MELK: variants seen among roughly 807,000 people sequenced by gnomAD.
MELK encodes the protein pEg3 kinase.
Under a neutral mutation model 85.0 loss-of-function variants are expected in MELK, and 81 were observed. That is an observed-to-expected ratio of 0.95 (90% confidence interval 0.80 to 1.15). MELK has a LOEUF of 1.15. Among genes scored for constraint, MELK ranks in the 50% most tolerant of loss-of-function variants. MELK has a pLI of 0.00. For missense variants in MELK, 754 were observed against 777.5 expected, an observed-to-expected ratio of 0.97 and a Z score of 0.36; for synonymous variants, 252 against 265.0, an observed-to-expected ratio of 0.95 and a Z score of 0.48.
intron 8 of MELK, 66 bp from the exon 9 acceptor site, chr9:36,630,228 CATGTT>C: frequency 1.8e-6 from 2 of 1,097,988 alleles, no homozygotes; most frequent in Non-Finnish European, 2.8e-6. Flanking sequence ...AAACCTCCAG[CATGTT>C]ATTACCTAAG....
At position 36,653,182 on chromosome 9, in the gene MELK, TG is replaced by T. The variant is rs1248990947; in HGVS notation, c.1053+1306del. 5.3e-5 allele frequency among the ~76,000 whole-genome samples: 8 copies of T among 152,348 alleles called. No homozygotes were observed. In the South Asian group the frequency reaches 1.7e-3, roughly 32 times the overall value. On this transcript the variant is annotated intron_variant, in intron 12 of 17. Coordinates refer to ENST00000298048, the MANE Select transcript of MELK (RefSeq NM_014791.4). ...TATTTTTTGAAACAAAGTCTTGCTT[TG>T]TTGTCCTGGCTGGAGTACAGTGGTG...
intron 14 of MELK, among the ~76,000 whole-genome samples, chr9:36,666,184 C>T (rs1315367835): frequency 6.6e-6 from 1 of 152,178 alleles, no homozygotes; most frequent in Non-Finnish European, 1.5e-5. Flanking sequence ...GTTATTTAAA[C>T]CATTTCCTTT....
At position 36,633,155 on chromosome 9, in the gene MELK, C is replaced by T. The variant is rs1350748600; in HGVS notation, c.789C>T (p.Ile263=). 11 of 1,610,458 alleles carry T rather than the reference C, an allele frequency of 6.8e-6. No individual in the cohort carries two copies. The East Asian group carries it at 2.5e-4, about 36-fold the overall frequency. The change falls in exon 10 of 18, where the codon ATC becomes ATT. Residue 263 remains isoleucine, a synonymous_variant. Transcript: ENST00000298048. The part of the protein sequence containing the change: ...SMKNLLNHPW[I]MQDYNYPVEW... ...AAAATCTATTGAACCATCCCTGGAT[C>T]ATGCAAGATTACAACTATCCTGTTG...
intron 7 of MELK, among the ~76,000 whole-genome samples, chr9:36,600,484 C>T (rs534956809): frequency 2.6e-4 from 39 of 152,172 alleles, no homozygotes; most frequent in African/African-American, 8.2e-4. Context: ...CCTGGGTTCA[C>T]GCCATTCTCC....
At chr9:36,635,599 A>G (rs1005607568) in intron 10 of MELK, among the ~76,000 whole-genome samples, 1 of 152,052 alleles carries the variant, frequency 6.6e-6, no homozygotes, top group African/African-American at 2.4e-5. Context: ...TACCATCCAT[A>G]CAAATGTCAA....
chr9:36,647,709 G>A (rs1170074310), intron 11 of MELK, among the ~76,000 whole-genome samples: 4 of 151,718 alleles, frequency 2.6e-5, no homozygotes, highest in Non-Finnish European at 5.9e-5. Context: ...GGCTGGTCTC[G>A]ATCTCCTAAC....
At chr9:36,620,960 C>T (rs1282034304) in intron 8 of MELK, among the ~76,000 whole-genome samples, 2 of 151,912 alleles carry the variant, frequency 1.3e-5, no homozygotes, top group Non-Finnish European at 2.9e-5. Context: ...TATCCCTAAA[C>T]TAAGTTGTTC....
At chr9:36,615,074 C>G (rs1241458744) in intron 8 of MELK, among the ~76,000 whole-genome samples, 4 of 138,606 alleles carry the variant, frequency 2.9e-5, no homozygotes, top group African/African-American at 1.1e-4. Flanking sequence ...GGGGCTGACC[C>G]CCCCCCCACC....
intron 13 of MELK, among the ~76,000 whole-genome samples, chr9:36,663,821 T>C (rs1249976989): frequency 1.3e-5 from 2 of 152,270 alleles, no homozygotes; most frequent in Admixed American, 6.5e-5. Flanking sequence ...TTTGTATCTT[T>C]GCTATTGTGA....
Position 36,602,755 on chromosome 9 carries a change from C to T in MELK, c.567+3269C>T, listed in dbSNP as rs192273316. 7.5e-3 allele frequency among the ~76,000 whole-genome samples: 1,135 copies of T among 152,052 alleles called. 18 individuals carry two copies. The highest frequency in any genetic ancestry group is 0.025 in the African/African-American group (1,034 of 41,518). On this transcript the variant is annotated intron_variant, in intron 7 of 17. Coordinates refer to ENST00000298048, the MANE Select transcript of MELK (RefSeq NM_014791.4). ...TGTATTTTTAGTAGAGACAGGATTT[C>T]TCCATGTTGGTCAGGCTGGTCTCTA...
chr9:36,632,059 T>C (rs1336551965), intron 9 of MELK, among the ~76,000 whole-genome samples: 1 of 152,238 alleles, frequency 6.6e-6, no homozygotes, highest in African/African-American at 2.4e-5. Context: ...CCTAGTGCAG[T>C]GGTTCTCAAA....
intron 4 of MELK, among the ~76,000 whole-genome samples, chr9:36,592,704 A>C (rs1163873899): frequency 7.2e-5 from 11 of 151,892 alleles, no homozygotes; most frequent in Admixed American, 3.3e-4. Context: ...AGACATTTTT[A>C]TTTCTCTTTA....
Position 36,651,740 on chromosome 9 carries a change from C to T in MELK, c.922-6C>T, listed in dbSNP as rs775557883. The T allele has an allele frequency of 4.8e-5, 77 of 1,608,296 alleles. No homozygotes were observed. In the South Asian group the frequency reaches 5.2e-4, roughly 11 times the overall value. On this transcript the variant is annotated splice_polypyrimidine_tract_variant and splice_region_variant and intron_variant, in intron 11 of 17. Transcript: ENST00000298048. ...TTCTAACCAACTTGATTTTCTTTTCCTTTAGTGGCAGTATGATCACCTCAC... is the reference window on the plus strand; with the variant it reads ...TTCTAACCAACTTGATTTTCTTTTCTTTTAGTGGCAGTATGATCACCTCAC...
In MELK at chr9:36,629,232, C is replaced by A. The variant is rs143312888; in HGVS notation, c.667-1067C>A. Among the ~76,000 whole-genome samples the A allele has an allele frequency of 5.4e-3, 822 of 152,288 alleles. 4 individuals carry two copies. The highest frequency in any genetic ancestry group is 7.7e-3 in the Non-Finnish European group (525 of 68,024). Reference sequence around the variant, plus strand: ...TATGTTCTATGAATTACAGTTCAATCAATTTCTCTCAAATAATTAACCTGT... The same window carrying A: ...TATGTTCTATGAATTACAGTTCAATAAATTTCTCTCAAATAATTAACCTGT... On this transcript the variant is annotated intron_variant, in intron 8 of 17. Transcript: ENST00000298048.
At chr9:36,647,736 G>A (rs949207011) in intron 11 of MELK, among the ~76,000 whole-genome samples, 1 of 151,996 alleles carries the variant, frequency 6.6e-6, no homozygotes. Context: ...TGACCCACCC[G>A]CCTCAGCCTC....
At chr9:36,658,907 A>C (rs1387051876) in intron 13 of MELK, among the ~76,000 whole-genome samples, 1 of 128,218 alleles carries the variant, frequency 7.8e-6, no homozygotes, top group African/African-American at 3.1e-5. Flanking sequence ...TTTGAGACAG[A>C]GTCTCGCTCT....
At chr9:36,617,873 C>T (rs748822144) in intron 8 of MELK, among the ~76,000 whole-genome samples, 141 of 152,164 alleles carry the variant, frequency 9.3e-4, no homozygotes, top group Non-Finnish European at 1.7e-3. Flanking sequence ...TGCCTGTAGT[C>T]CCAGCACTTT....
At chr9:36,676,998 A>G (rs988404167) in intron 17 of MELK, among the ~76,000 whole-genome samples, 162 bp from the exon 18 acceptor site, 7 of 152,036 alleles carry the variant, frequency 4.6e-5, no homozygotes, top group Non-Finnish European at 1.0e-4. Flanking sequence ...GTCATACTCT[A>G]TTACTAAAGC....
intron 9 of MELK, among the ~76,000 whole-genome samples, chr9:36,630,663 A>T (rs751148922): frequency 6.6e-6 from 1 of 152,068 alleles, no homozygotes; most frequent in Non-Finnish European, 1.5e-5. Context: ...TGATTGATTG[A>T]TGGAGATAGA....
Sources: gnomAD v4.1 joint callset for allele counts (sites outside exome capture counted in the v4.1 genomes callset) on GRCh38, gnomAD v4.1.1 for gene constraint, MANE v1.5 for transcripts, NCBI Gene and HGNC (gene_info 2026-07-23, HGNC 2026-07-21) for gene names.